The following RYR2 variants were observed in gnomAD, a reference collection of about 807,000 sequenced individuals.
The protein encoded by RYR2 is cardiac muscle ryanodine receptor-calcium release channel.
Under a neutral mutation model 601.1 loss-of-function variants are expected in RYR2, and 227 were observed. That is an observed-to-expected ratio of 0.38 (90% CI 0.34 to 0.42). The LOEUF is 0.42. Among genes scored for constraint, RYR2 ranks in the 10% least tolerant of loss-of-function variants. RYR2 has a pLI of 1.00. For synonymous variants in RYR2, 2,223 were observed against 2,175.1 expected (o/e 1.02, Z -0.61); for missense variants, 4,646 against 6,156.5 (o/e 0.75, Z 8.21).
In RYR2 at chr1:237,511,857, A is replaced by C. The variant is rs1003109251; in HGVS notation, c.2822+66A>C. 33 of 951,152 alleles carry C rather than the reference A, an allele frequency of 3.5e-5. No individual in the cohort carries two copies. In the East Asian group the frequency reaches 9.7e-4, roughly 28 times the overall value. 58.9% of individuals were successfully genotyped at this position (951,152 alleles called of 1,614,324 possible). The stretch of plus-strand genomic sequence containing the variant: ...CTGAAAAAAAAAAAAAAAAAAAAAA[A>C]AACAGGTATTGATGCTATATGTTAA... On this transcript the variant is annotated intron_variant, in intron 24 of 104. Transcript: ENST00000366574.
Position 237,402,823 on chromosome 1 carries a change from GCA to G in RYR2, c.774-14225_774-14224del. ...GAGACTCAGAGTCTTACTCTATTGG[GCA>G]GGCTGGAGTACAGCGGTGAAATCAT... On this transcript the variant is annotated intron_variant, in intron 10 of 104. Coordinates refer to ENST00000366574, the MANE Select transcript of RYR2 (RefSeq NM_001035.3). Among the ~76,000 whole-genome samples the G allele has an allele frequency of 6.6e-5, 10 of 152,374 alleles. No homozygotes were observed. In the South Asian group the frequency reaches 1.9e-3, roughly 28 times the overall value.
Position 237,726,304 on chromosome 1 carries a change from G to C in RYR2, c.10721G>C (p.Cys3574Ser). The C allele has an allele frequency of 6.3e-7, 1 of 1,584,622 alleles. No homozygotes were observed. Among genetic ancestry groups the C allele is most frequent in the Non-Finnish European group, 8.6e-7 (1 of 1,159,198 alleles). Residue 3574 changes from cysteine to serine, a missense_variant, in exon 75 of 105, where the codon TGT (cysteine) becomes TCT (serine). Cys to Ser is a moderately radical substitution (Grantham distance 112, BLOSUM62 -1). This residue lies in a region of RYR2 where 1,497 missense variants were observed against 1,842.6 expected (regional missense o/e 0.81). Transcript: ENST00000366574. ...KSKRVGRRHY[C>S]LVEHPQRSKK... is the part of the protein sequence containing the mutation. ...AAACGTGTGGGTCGGAGACATTACT[G>C]TCTGGGAAGTACAGTGCTCAATGGC...
At chr1:237,809,198 A>G (rs1660995705) in intron 100 of RYR2, among the ~76,000 whole-genome samples, 163 bp downstream of exon 100, 1 of 152,246 alleles carries the variant, frequency 6.6e-6, no homozygotes, top group Non-Finnish European at 1.5e-5. Context: ...ATTTTAGCAG[A>G]ACATAAAGGA....
intron 1 of RYR2, among the ~76,000 whole-genome samples, chr1:237,198,907 C>T (rs970100411): frequency 3.3e-5 from 5 of 151,550 alleles, no homozygotes; most frequent in African/African-American, 1.2e-4. Flanking sequence ...TTTTCAACAA[C>T]TTGAAAAATT....
chr1:237,222,036 C>G (rs905685364), intron 1 of RYR2, among the ~76,000 whole-genome samples: 3 of 152,050 alleles, frequency 2.0e-5, no homozygotes, highest in African/African-American at 7.2e-5. Flanking sequence ...AGAGGAGGAG[C>G]TAGTGTTCCA....
chr1:237,724,735 G>T (rs1690059087), intron 74 of RYR2, among the ~76,000 whole-genome samples: 1 of 123,828 alleles, frequency 8.1e-6, no homozygotes, highest in South Asian at 3.0e-4. Flanking sequence ...ATATGTTTAA[G>T]ATTATTAAAG....
intron 1 of RYR2, among the ~76,000 whole-genome samples, chr1:237,087,717 T>C (rs951870115): frequency 6.6e-6 from 1 of 152,172 alleles, no homozygotes; most frequent in African/African-American, 2.4e-5. Context: ...GGTGCCCCTC[T>C]TGGTGTCTGG....
chr1:237,534,651 T>A (rs1668429525), intron 25 of RYR2, among the ~76,000 whole-genome samples: 1 of 152,012 alleles, frequency 6.6e-6, no homozygotes, highest in Non-Finnish European at 1.5e-5. Context: ...ATCAAGCATA[T>A]CATCTGGAAA....
At chr1:237,532,323 C>T (rs1668212199) in intron 25 of RYR2, among the ~76,000 whole-genome samples, 1 of 152,008 alleles carries the variant, frequency 6.6e-6, no homozygotes, top group East Asian at 1.9e-4. Context: ...ATTCTTCGTT[C>T]ACATAAATAA....
At chr1:237,616,421 T>G (rs1283406371) in intron 37 of RYR2, among the ~76,000 whole-genome samples, 1 of 152,166 alleles carries the variant, frequency 6.6e-6, no homozygotes, top group Non-Finnish European at 1.5e-5. Flanking sequence ...CTTAATTGTC[T>G]TAAGTTTAGA....
chr1:237,378,804 T>G (rs546417567), intron 8 of RYR2, among the ~76,000 whole-genome samples: 1 of 152,332 alleles, frequency 6.6e-6, no homozygotes, highest in South Asian at 2.1e-4. Context: ...AGATTGGTTT[T>G]GTTTTGTTTC....
intron 90 of RYR2, among the ~76,000 whole-genome samples, chr1:237,785,542 T>C (rs531379981): frequency 6.6e-6 from 1 of 152,058 alleles, no homozygotes; most frequent in Non-Finnish European, 1.5e-5. Flanking sequence ...ATGAAGAAAC[T>C]AGAAAAGGGT....
chr1:237,547,000 T>TA (rs57873670), intron 25 of RYR2, among the ~76,000 whole-genome samples: 1 of 142,970 alleles, frequency 7.0e-6, no homozygotes, highest in African/African-American at 2.5e-5. Context: ...TATATATTTA[T>TA]TTATTTATTT....
intron 99 of RYR2, 150 bp downstream of exon 99, chr1:237,806,433 A>G: frequency 1.4e-6 from 1 of 721,616 alleles, no homozygotes; most frequent in Non-Finnish European, 2.2e-6. Context: ...TGCAGGGATT[A>G]GTAGTTTGAG....
chr1:237,265,163 T>C (rs978256405), intron 1 of RYR2, among the ~76,000 whole-genome samples: 7 of 152,060 alleles, frequency 4.6e-5, no homozygotes, highest in African/African-American at 1.7e-4. Context: ...GGGTTGAGAT[T>C]TGAAAGATGG....
chr1:237,683,753 A>C (rs1686103689), intron 62 of RYR2, among the ~76,000 whole-genome samples: 1 of 152,140 alleles, frequency 6.6e-6, no homozygotes, highest in South Asian at 2.1e-4. Flanking sequence ...GAATGATCAG[A>C]GCTTCCCTCT....
At chr1:237,431,261 C>T (rs1706778680) in intron 12 of RYR2, among the ~76,000 whole-genome samples, 1 of 152,114 alleles carries the variant, frequency 6.6e-6, no homozygotes, top group Non-Finnish European at 1.5e-5. Context: ...GAACTAGAGA[C>T]ACTAACTCTT....
chr1:237,425,645 G>A (rs531656266), intron 12 of RYR2, among the ~76,000 whole-genome samples: 2 of 151,624 alleles, frequency 1.3e-5, no homozygotes, highest in East Asian at 3.9e-4. Context: ...AAAAAAAAAA[G>A]CTATAAGGAA....
chr1:237,253,103 G>A (rs1046712486), intron 1 of RYR2, among the ~76,000 whole-genome samples: 2 of 148,052 alleles, frequency 1.4e-5, no homozygotes, highest in Non-Finnish European at 3.0e-5. Flanking sequence ...GAGGGAGATT[G>A]CAGGGAGCTG....
Sources: gnomAD v4.1 joint callset for allele counts (sites outside exome capture counted in the v4.1 genomes callset) on GRCh38, gnomAD v4.1.1 for gene constraint, gnomAD v4.1.1 regional missense constraint, MANE v1.5 for transcripts, NCBI Gene and HGNC (gene_info 2026-07-23, HGNC 2026-07-21) for gene names.